Variants in TMEM98 observed in about 807,000 individuals in gnomAD.
TMEM98 encodes transmembrane protein 98.
Under a neutral mutation model 25.0 loss-of-function variants are expected in TMEM98, and 18 were observed. The observed-to-expected ratio is 0.72, with a 90% CI of 0.50 to 1.07. TMEM98 has a LOEUF of 1.07. TMEM98 is among the 50% of genes least tolerant of loss of function. The probability of loss-of-function intolerance (pLI) is 0.00; values close to 1 mark genes in which losing one functional copy is unlikely to be tolerated. For synonymous variants in TMEM98, 103 were observed against 112.4 expected (o/e 0.92, Z 0.53); for missense variants, 241 against 289.0 (o/e 0.83, Z 1.20).
intron 1 of TMEM98, among the ~76,000 whole-genome samples, chr17:32,929,495 A>G (rs912587628): frequency 2.0e-5 from 3 of 152,312 alleles, no homozygotes; most frequent in Non-Finnish European, 1.5e-5. Context: ...ATAAAGGCAG[A>G]CATAAGAGGA....
chr17:32,937,751 T>A (rs2091504767), intron 6 of TMEM98, among the ~76,000 whole-genome samples: 1 of 152,066 alleles, frequency 6.6e-6, no homozygotes, highest in Middle Eastern at 3.2e-3. Flanking sequence ...CTACCATGTC[T>A]GGCTAATTTT....
In TMEM98 at chr17:32,931,726, T is replaced by C. The variant is rs2091470941; in HGVS notation, c.131+67T>C. On this transcript the variant is annotated intron_variant, in intron 3 of 7. Coordinates refer to ENST00000579849, the MANE Select transcript of TMEM98 (RefSeq NM_015544.3). ...AACTAAAGAAAAAGAGAGGAACACG[T>C]AGTTCAGTGTTGGGCAACTCTAACT... 3 of 1,544,336 alleles carry C rather than the reference T, an allele frequency of 1.9e-6. No individual in the cohort carries two copies. The Admixed American group carries it at 5.9e-5, about 30-fold the overall frequency.
At chr17:32,929,052 TCACA>T (rs936407582) in intron 1 of TMEM98, among the ~76,000 whole-genome samples, 1 of 139,292 alleles carries the variant, frequency 7.2e-6, no homozygotes, top group Non-Finnish European at 1.5e-5. Flanking sequence ...AACATTCAGC[TCACA>T]CACACTCAGA....
Position 32,933,158 on chromosome 17 carries a change from G to C in TMEM98, c.132-16G>C. The C allele has an allele frequency of 6.2e-7, 1 of 1,613,822 alleles. No individual in the cohort carries two copies. Among genetic ancestry groups the C allele is most frequent in the Non-Finnish European group, 8.5e-7 (1 of 1,179,816 alleles). The stretch of plus-strand genomic sequence containing the variant: ...CACCCACCATGAAACCATTTAACGG[G>C]GGCCTTTTCTTCCAGGCCCATTGTG... On this transcript the variant is annotated splice_polypyrimidine_tract_variant and intron_variant, in intron 3 of 7. Transcript: ENST00000579849.
At position 32,944,277 on chromosome 17, in the gene TMEM98, C is replaced by T. The variant is rs2301695; in HGVS notation, c.*3284C>T. ...GTGTCAGATGAAGAATTTCTATCCT[C>T]CTCACCTCCTCCCTGTCTCCAATAA... On this transcript the variant is annotated 3_prime_UTR_variant, in exon 8 of 8. Coordinates refer to ENST00000579849, the MANE Select transcript of TMEM98 (RefSeq NM_015544.3). 0.12 allele frequency: 18,022 copies of T among 152,262 alleles called. 1,257 individuals carry two copies. The highest frequency in any genetic ancestry group is 0.23 in the Middle Eastern group (68 of 294). 9.4% of individuals were successfully genotyped at this position (152,262 alleles called of 1,614,324 possible). A position where few individuals can be genotyped will look rare whatever the true frequency, so the allele number is the denominator to read the frequency against.
rs2091534808 is a variant in TMEM98, at chr17:32,942,229, A to G, written c.*1236A>G. On this transcript the variant is annotated 3_prime_UTR_variant, in exon 8 of 8. Transcript: ENST00000579849. Reference sequence around the variant, plus strand: ...AAAGATTATGAAAGCTATGACCCAGAATCACAATTATATAATTTGGATACA... The same window carrying G: ...AAAGATTATGAAAGCTATGACCCAGGATCACAATTATATAATTTGGATACA... 6.6e-6 allele frequency: 1 copy of G among 152,204 alleles called. No homozygotes were observed. Among genetic ancestry groups the G allele is most frequent in the Non-Finnish European group, 1.5e-5 (1 of 68,050 alleles). 9.4% of individuals were successfully genotyped at this position (152,204 alleles called of 1,614,324 possible).
At position 32,942,388 on chromosome 17, in the gene TMEM98, GTCAAGCATGTTTGGAGTTGCACATCTGT is replaced by G. The variant is rs2091535630; in HGVS notation, c.*1398_*1425del. 1 of 152,248 alleles carries G rather than the reference GTCAAGCATGTTTGGAGTTGCACATCTGT, an allele frequency of 6.6e-6. No homozygotes were observed. Among genetic ancestry groups the G allele is most frequent in the African/African-American group, 2.4e-5 (1 of 41,460 alleles). 9.4% of individuals were successfully genotyped at this position (152,248 alleles called of 1,614,324 possible). ...GCTGCCCAGGTTCGTAGCCTATGCT[GTCAAGCATGTTTGGAGTTGCACATCTGT>G]TCCCATGTCATTTTCTCTGTCTAAC... On this transcript the variant is annotated 3_prime_UTR_variant, in exon 8 of 8. Coordinates refer to ENST00000579849, the MANE Select transcript of TMEM98 (RefSeq NM_015544.3).
At position 32,942,391 on chromosome 17, in the gene TMEM98, A is replaced by C. The variant is rs904133479; in HGVS notation, c.*1398A>C. 3.3e-5 allele frequency: 5 copies of C among 152,248 alleles called. No homozygotes were observed. The highest frequency in any genetic ancestry group is 6.5e-5 in the Admixed American group (1 of 15,292). 9.4% of individuals were successfully genotyped at this position (152,248 alleles called of 1,614,324 possible). On this transcript the variant is annotated 3_prime_UTR_variant, in exon 8 of 8. Coordinates refer to ENST00000579849, the MANE Select transcript of TMEM98 (RefSeq NM_015544.3). ...GCCCAGGTTCGTAGCCTATGCTGTCAAGCATGTTTGGAGTTGCACATCTGT... is the reference window on the plus strand; with the variant it reads ...GCCCAGGTTCGTAGCCTATGCTGTCCAGCATGTTTGGAGTTGCACATCTGT...
chr17:32,930,051 C>T (rs566962901), intron 1 of TMEM98, among the ~76,000 whole-genome samples: 8 of 151,878 alleles, frequency 5.3e-5, no homozygotes, highest in African/African-American at 1.7e-4. Flanking sequence ...GCGTTTGGAC[C>T]CTCCGAGACA....
At position 32,941,826 on chromosome 17, in the gene TMEM98, T is replaced by C. The variant is rs1381605887; in HGVS notation, c.*833T>C. On this transcript the variant is annotated 3_prime_UTR_variant, in exon 8 of 8. Coordinates refer to ENST00000579849, the MANE Select transcript of TMEM98 (RefSeq NM_015544.3). Reference sequence around the variant, plus strand: ...TCGCACTTTGGGAGGCTAAGGTGGGTGGATTGCTTGAGCCCAGGAGTTTGA... The same window carrying C: ...TCGCACTTTGGGAGGCTAAGGTGGGCGGATTGCTTGAGCCCAGGAGTTTGA... The C allele has an allele frequency of 6.6e-6, 1 of 152,028 alleles. No individual in the cohort carries two copies. Among genetic ancestry groups the C allele is most frequent in the East Asian group, 1.9e-4 (1 of 5,182 alleles). 9.4% of individuals were successfully genotyped at this position (152,028 alleles called of 1,614,324 possible).
intron 4 of TMEM98, 112 bp downstream of exon 4, chr17:32,933,417 C>T: frequency 7.0e-7 from 1 of 1,418,616 alleles, no homozygotes; most frequent in Non-Finnish European, 9.7e-7. Context: ...CTGTTACTTG[C>T]TGCTCTTTCC....
intron 6 of TMEM98, among the ~76,000 whole-genome samples, chr17:32,936,833 G>C (rs114630437): frequency 6.6e-6 from 1 of 152,322 alleles, no homozygotes; most frequent in South Asian, 2.1e-4. Context: ...CCCTGTCTCT[G>C]CCTGAATCTG....
intron 1 of TMEM98, among the ~76,000 whole-genome samples, chr17:32,930,020 C>G (rs530203457): frequency 6.6e-6 from 1 of 152,212 alleles, no homozygotes; most frequent in Admixed American, 6.5e-5. Flanking sequence ...TCAATAAATA[C>G]TTAGTGAATG....
At chr17:32,936,241 A>G in intron 5 of TMEM98, 91 bp from the exon 6 acceptor site, 1 of 1,000,626 alleles carries the variant, frequency 1.0e-6, no homozygotes, top group African/African-American at 1.6e-5. Context: ...CTGCGATGGA[A>G]CTCACGGCAG....
intron 3 of TMEM98, among the ~76,000 whole-genome samples, chr17:32,932,107 T>C (rs574624845): frequency 6.6e-6 from 1 of 150,762 alleles, no homozygotes; most frequent in South Asian, 2.1e-4. Context: ...TTTTTTTTTT[T>C]TTTTTTTTTT....
chr17:32,937,986 C>T (rs1217834079), intron 6 of TMEM98, among the ~76,000 whole-genome samples: 2 of 152,178 alleles, frequency 1.3e-5, no homozygotes, highest in Non-Finnish European at 2.9e-5. Context: ...AGAGGCCAGG[C>T]AGATTCCTGT....
intron 6 of TMEM98, among the ~76,000 whole-genome samples, chr17:32,938,947 C>A (rs181723015): frequency 4.3e-4 from 65 of 152,286 alleles, no homozygotes; most frequent in Middle Eastern, 3.4e-3. Context: ...TTTTAAAAAA[C>A]CATTGGAACT....
chr17:32,936,996 C>A (rs1211036763), intron 6 of TMEM98, among the ~76,000 whole-genome samples: 1 of 152,262 alleles, frequency 6.6e-6, no homozygotes, highest in Non-Finnish European at 1.5e-5. Flanking sequence ...GTGTGGGAGG[C>A]AACCAGCAGG....
In TMEM98 at chr17:32,941,552, G is replaced by A. The variant is rs2091531274; in HGVS notation, c.*559G>A. 6.6e-6 allele frequency: 1 copy of A among 152,208 alleles called. No individual in the cohort carries two copies. Among genetic ancestry groups the A allele is most frequent in the African/African-American group, 2.4e-5 (1 of 41,416 alleles). The allele number at this position is 152,208 out of a possible 1,614,324, so 9.4% of individuals were successfully genotyped here. ...TTGCAGGTTTGGGTTTGAAGCTGAG[G>A]AACTACAAAGTTGATGATTTCTTTT... On this transcript the variant is annotated 3_prime_UTR_variant, in exon 8 of 8. Coordinates refer to ENST00000579849, the MANE Select transcript of TMEM98 (RefSeq NM_015544.3).
Sources: allele counts gnomAD v4.1 joint callset (sites outside exome capture counted in the v4.1 genomes callset), GRCh38; gene constraint gnomAD v4.1.1; transcripts MANE v1.5; gene names NCBI Gene and HGNC (gene_info 2026-07-23, HGNC 2026-07-21).